The following PAPOLA variants were observed in gnomAD, a reference collection of about 807,000 sequenced individuals.
PAPOLA encodes poly(A) polymerase alpha.
PAPOLA carries 15 observed loss-of-function variants against 100.6 expected under a neutral mutation model. That is an observed-to-expected ratio of 0.15 (90% confidence interval 0.10 to 0.23). The LOEUF is 0.23. Ranked by LOEUF, PAPOLA falls within the 10% of genes least tolerant of loss-of-function variation. The probability of loss-of-function intolerance (pLI) is 1.00; values close to 1 mark genes in which losing one functional copy is unlikely to be tolerated. For missense variants in PAPOLA, 533 were observed against 884.2 expected (o/e 0.60, Z 5.04); for synonymous variants, 293 against 300.0 (o/e 0.98, Z 0.24).
At chr14:96,539,020 T>C (rs943550514) in intron 12 of PAPOLA, among the ~76,000 whole-genome samples, 4 of 152,100 alleles carry the variant, frequency 2.6e-5, no homozygotes, top group Admixed American at 6.5e-5. Context: ...GAAAGACTTA[T>C]CAGTGTTCCT....
intron 1 of PAPOLA, among the ~76,000 whole-genome samples, chr14:96,506,761 A>C (rs183954124): frequency 6.6e-4 from 101 of 152,346 alleles, no homozygotes; most frequent in Middle Eastern, 3.4e-3. Context: ...ATATTTTCCA[A>C]ATGACCATTT....
chr14:96,556,192 A>G lies in PAPOLA; in HGVS notation c.1783A>G (p.Ile595Val), dbSNP rs1466353458. 4 of 1,614,078 alleles carry G rather than the reference A, an allele frequency of 2.5e-6. No homozygotes were observed. Among genetic ancestry groups the G allele is most frequent in the South Asian group, 1.1e-5 (1 of 91,082 alleles). Residue 595 changes from isoleucine (I) to valine (V), a missense_variant, in exon 19 of 22, where the codon ATT becomes GTT. Physicochemically the swap from Ile to Val is conservative, Grantham distance 29. Around this residue, in one of 9 missense-constraint regions of PAPOLA, gnomAD observed 242 missense variants for 281.0 expected, o/e 0.86. Coordinates refer to ENST00000216277, the MANE Select transcript of PAPOLA (RefSeq NM_032632.5). Reference sequence around the variant, plus strand: ...CTGCTTAGGTACATCGAGTGAAAGCATTCCTCAAACTGCCACACAACCAGC... The same window carrying G: ...CTGCTTAGGTACATCGAGTGAAAGCGTTCCTCAAACTGCCACACAACCAGC... ...ESSGGTSSES[I>V]PQTATQPAIS...
intron 2 of PAPOLA, among the ~76,000 whole-genome samples, chr14:96,520,803 G>A (rs998936897): frequency 2.6e-5 from 4 of 151,994 alleles, no homozygotes; most frequent in African/African-American, 9.7e-5. Flanking sequence ...GCCTTACTCA[G>A]TGTAACAGTG....
intron 3 of PAPOLA, 38 bp downstream of exon 3, chr14:96,521,110 ATAGC>A: frequency 1.1e-6 from 1 of 936,412 alleles, no homozygotes; most frequent in Non-Finnish European, 1.8e-6. Context: ...AATTTCATAT[ATAGC>A]CAACTGAACA....
intron 2 of PAPOLA, 156 bp from the exon 3 acceptor site, chr14:96,520,850 G>T (rs12895632): frequency 7.4e-5 from 41 of 554,530 alleles, no homozygotes; most frequent in Admixed American, 1.3e-4. Flanking sequence ...GAGAGAGAAA[G>T]CGAGAGAGAG....
In PAPOLA at chr14:96,537,315, C is replaced by G. The variant is rs144043623; in HGVS notation, c.1115+255C>G. On this transcript the variant is annotated intron_variant, in intron 12 of 21. Transcript: ENST00000216277. ...CAACATAAGTTCTGTAGGCATACAT[C>G]AGTCATGACAAAAACAGTACATCTG... 1.8e-3 allele frequency: 789 copies of G among 436,064 alleles called. 4 individuals are homozygous for G. The highest frequency in any genetic ancestry group is 0.014 in the African/African-American group (717 of 50,978). The allele number at this position is 436,064 out of a possible 1,614,324, so 27.0% of individuals were successfully genotyped here.
At chr14:96,556,595 T>C (rs1901358523) in intron 19 of PAPOLA, among the ~76,000 whole-genome samples, 182 bp downstream of exon 19, 1 of 152,360 alleles carries the variant, frequency 6.6e-6, no homozygotes, top group African/African-American at 2.4e-5. Context: ...CCCATTCTTC[T>C]CAGTAACTAC....
In PAPOLA at chr14:96,507,307, A is replaced by G. The variant is rs1421562573; in HGVS notation, c.8+4707A>G. Reference sequence around the variant, plus strand: ...TTTTTTTTTTTTTTTTTTTTTTTTGAGACGGAGTCTCGTTCTGTCGCCCAG... The same window carrying G: ...TTTTTTTTTTTTTTTTTTTTTTTTGGGACGGAGTCTCGTTCTGTCGCCCAG... On this transcript the variant is annotated intron_variant, in intron 1 of 21. Transcript: ENST00000216277. Among the ~76,000 whole-genome samples, 11 of 36,996 alleles carry G rather than the reference A, an allele frequency of 3.0e-4. No individual in the cohort carries two copies. The East Asian group carries it at 4.9e-3, about 17-fold the overall frequency. 24.3% of individuals were successfully genotyped at this position (36,996 alleles called of 152,430 possible).
chr14:96,509,645 A>G lies in PAPOLA; in HGVS notation c.8+7045A>G, dbSNP rs144177474. Among the ~76,000 whole-genome samples, 389 of 152,350 alleles carry G rather than the reference A, an allele frequency of 2.6e-3. 2 individuals carry two copies. Among genetic ancestry groups the G allele is most frequent in the Non-Finnish European group, 4.6e-3 (315 of 68,040 alleles). Reference sequence around the variant, plus strand: ...GCTATGCACCTAGGCCTATGCACCAATGATATGGCCTGTTGCTCCTAGGCT... The same window carrying G: ...GCTATGCACCTAGGCCTATGCACCAGTGATATGGCCTGTTGCTCCTAGGCT... On this transcript the variant is annotated intron_variant, in intron 1 of 21. Coordinates refer to ENST00000216277, the MANE Select transcript of PAPOLA (RefSeq NM_032632.5).
intron 1 of PAPOLA, among the ~76,000 whole-genome samples, chr14:96,507,633 T>C (rs993915030): frequency 1.3e-5 from 2 of 152,220 alleles, no homozygotes; most frequent in African/African-American, 4.8e-5. Context: ...TTTAAATGAA[T>C]AAATACTTTA....
At chr14:96,529,925 G>A (rs985765563) in intron 6 of PAPOLA, among the ~76,000 whole-genome samples, 2 of 152,092 alleles carry the variant, frequency 1.3e-5, no homozygotes, top group Non-Finnish European at 2.9e-5. Flanking sequence ...CTTAACTGTG[G>A]TTGTTTTAGG....
intron 1 of PAPOLA, 28 bp from the exon 2 acceptor site, chr14:96,520,027 C>T: frequency 1.3e-6 from 2 of 1,544,944 alleles, no homozygotes; most frequent in Non-Finnish European, 1.8e-6. Context: ...ATTCTTTTGG[C>T]AGTAATTGTA....
chr14:96,508,135 C>G (rs1005209430), intron 1 of PAPOLA, among the ~76,000 whole-genome samples: 2 of 152,186 alleles, frequency 1.3e-5, no homozygotes, highest in Admixed American at 1.3e-4. Flanking sequence ...CTTGGCCTCC[C>G]AAAGTGCTGG....
chr14:96,503,584 T>C (rs1676138338), intron 1 of PAPOLA, among the ~76,000 whole-genome samples: 1 of 152,286 alleles, frequency 6.6e-6, no homozygotes, highest in Non-Finnish European at 1.5e-5. Flanking sequence ...CTTCCATTTT[T>C]GAATATTGAA....
intron 1 of PAPOLA, among the ~76,000 whole-genome samples, chr14:96,511,004 C>T (rs1441139735): frequency 6.6e-6 from 1 of 152,124 alleles, no homozygotes; most frequent in Non-Finnish European, 1.5e-5. Flanking sequence ...AAGGTTAAGA[C>T]CTTTAAACAG....
intron 3 of PAPOLA, among the ~76,000 whole-genome samples, chr14:96,522,737 C>T (rs760645339): frequency 1.3e-5 from 2 of 152,188 alleles, no homozygotes; most frequent in Non-Finnish European, 2.9e-5. Flanking sequence ...TATGAATACT[C>T]ATACATACAA....
chr14:96,502,735 G>A, intron 1 of PAPOLA, 135 bp downstream of exon 1: 1 of 912,938 alleles, frequency 1.1e-6, no homozygotes, highest in Non-Finnish European at 1.6e-6. Flanking sequence ...GCAGGACTGG[G>A]GACCTTCCTG....
chr14:96,565,355 T>G lies in PAPOLA; in HGVS notation c.*305T>G, dbSNP rs1902191769. The G allele has an allele frequency of 3.3e-6, 1 of 304,734 alleles. No individual in the cohort carries two copies. The highest frequency in any genetic ancestry group is 2.1e-5 in the African/African-American group (1 of 46,932). The allele number at this position is 304,734 out of a possible 1,614,324, so 18.9% of individuals were successfully genotyped here. On this transcript the variant is annotated 3_prime_UTR_variant, in exon 22 of 22. Coordinates refer to ENST00000216277, the MANE Select transcript of PAPOLA (RefSeq NM_032632.5). ...TTGACATCTGGATTGGGTTTATGTT[T>G]GATGCATTGTTTGGAAAATTTGCAA...
chr14:96,540,191 T>A (rs1460643993), intron 12 of PAPOLA, among the ~76,000 whole-genome samples: 1 of 152,180 alleles, frequency 6.6e-6, no homozygotes, highest in Non-Finnish European at 1.5e-5. Flanking sequence ...GAACATTGTA[T>A]ATCATTTAAG....
Sources: allele counts gnomAD v4.1 joint callset (sites outside exome capture counted in the v4.1 genomes callset), GRCh38; gene constraint gnomAD v4.1.1; regional missense constraint gnomAD v4.1.1; transcripts MANE v1.5; gene names NCBI Gene and HGNC (gene_info 2026-07-23, HGNC 2026-07-21).